The following BUB1 variants were observed in gnomAD, a reference collection of about 807,000 sequenced individuals.
The protein encoded by BUB1 is mitotic checkpoint serine/threonine-protein kinase BUB1.
BUB1 carries 84 observed loss-of-function variants against 135.2 expected under a neutral mutation model. The ratio of observed to expected loss-of-function variants is 0.62; its 90% confidence interval spans 0.52 to 0.74. The LOEUF is 0.74. Among genes scored for constraint, BUB1 ranks in the 30% least tolerant of loss-of-function variants. The pLI is 0.00. For missense variants in BUB1, 1,162 were observed against 1,288.3 expected (o/e 0.90, Z 1.50); for synonymous variants, 403 against 434.4 (o/e 0.93, Z 0.90).
At chr2:110,659,492 T>C (rs1213436031) in intron 11 of BUB1, among the ~76,000 whole-genome samples, 1 of 152,122 alleles carries the variant, frequency 6.6e-6, no homozygotes, top group Non-Finnish European at 1.5e-5. Flanking sequence ...TTAATGAACC[T>C]CCAGCTATTT....
chr2:110,661,877 C>T, intron 9 of BUB1, 36 bp from the exon 10 acceptor site: 1 of 1,604,278 alleles, frequency 6.2e-7, no homozygotes, highest in Non-Finnish European at 8.5e-7. Flanking sequence ...AAAAACAAAA[C>T]CATGAAGTCC....
At chr2:110,670,738 C>A (rs1186347040) in intron 4 of BUB1, among the ~76,000 whole-genome samples, 170 bp from the exon 5 acceptor site, 1 of 152,166 alleles carries the variant, frequency 6.6e-6, no homozygotes, top group African/African-American at 2.4e-5. Context: ...AAATAAAATT[C>A]TGGAAATATT....
chr2:110,662,321 T>C (rs747737809), intron 9 of BUB1, among the ~76,000 whole-genome samples: 2 of 152,104 alleles, frequency 1.3e-5, no homozygotes, highest in Non-Finnish European at 2.9e-5. Flanking sequence ...GAAACACAAA[T>C]ATAAATTGCA....
rs924898414 is a variant in BUB1 at position 110,659,871 on chromosome 2, C to T, written c.1276+107G>A. 6 of 734,856 alleles carry T rather than the reference C, an allele frequency of 8.2e-6. No homozygotes were observed. The African/African-American group carries it at 9.0e-5, about 11-fold the overall frequency. 45.5% of individuals were successfully genotyped at this position (734,856 alleles called of 1,614,324 possible). A position where few individuals can be genotyped will look rare whatever the true frequency, so the allele number is the denominator to read the frequency against. On this transcript the variant is annotated intron_variant, in intron 11 of 24. Coordinates refer to ENST00000302759, the MANE Select transcript of BUB1 (RefSeq NM_004336.5). ...CTCTAAGAATAGGAAATCTAACACT[C>T]AGGTTCATTAAGGCCTGAAGCCTTC...
rs891326590 is a variant in BUB1, at chr2:110,674,067, A to T, written c.225+19T>A. On this transcript the variant is annotated intron_variant, in intron 3 of 24. Transcript: ENST00000302759. ...ACAACATGATTATAGATTTGATTAT[A>T]CATCTTAAGTATACTTACAAATTTT... The T allele has an allele frequency of 1.4e-6, 2 of 1,472,956 alleles. No homozygotes were observed. Among genetic ancestry groups the T allele is most frequent in the Non-Finnish European group, 9.3e-7 (1 of 1,070,856 alleles). The allele number at this position is 1,472,956 out of a possible 1,614,324, so 91.2% of individuals were successfully genotyped here. A position where few individuals can be genotyped will look rare whatever the true frequency, so the allele number is the denominator to read the frequency against.
intron 3 of BUB1, 65 bp from the exon 4 acceptor site, chr2:110,672,922 G>C: frequency 6.9e-7 from 1 of 1,443,808 alleles, no homozygotes; most frequent in Non-Finnish European, 9.2e-7. Flanking sequence ...CTGGTGAGGA[G>C]TTAGCCAGCT....
intron 14 of BUB1, 40 bp from the exon 15 acceptor site, chr2:110,657,157 C>A: frequency 6.5e-7 from 1 of 1,531,650 alleles, no homozygotes; most frequent in Non-Finnish European, 9.0e-7. Flanking sequence ...GTAAAATATG[C>A]TAAGGAAATA....
chr2:110,640,439 A>C (rs1689473089), intron 23 of BUB1, among the ~76,000 whole-genome samples: 1 of 152,180 alleles, frequency 6.6e-6, no homozygotes, highest in Non-Finnish European at 1.5e-5. Context: ...CCCAGGTTCA[A>C]AATATTTCAT....
intron 19 of BUB1, among the ~76,000 whole-genome samples, chr2:110,645,323 A>G (rs1689613693): frequency 2.0e-5 from 3 of 151,866 alleles, no homozygotes; most frequent in African/African-American, 7.3e-5. Flanking sequence ...AGTCCCAGCT[A>G]CTCAGGAGGC....
intron 3 of BUB1, among the ~76,000 whole-genome samples, 197 bp downstream of exon 3, chr2:110,673,889 G>A (rs1690499129): frequency 6.6e-6 from 1 of 152,178 alleles, no homozygotes; most frequent in Non-Finnish European, 1.5e-5. Context: ...GTGAGCCACT[G>A]CGCCCAGCCC....
At position 110,637,907 on chromosome 2, in the gene BUB1, A is replaced by T; in HGVS notation, c.*57T>A. On this transcript the variant is annotated 3_prime_UTR_variant, in exon 25 of 25. Coordinates refer to ENST00000302759, the MANE Select transcript of BUB1 (RefSeq NM_004336.5). ...CAATAAATGAAAAAAAAACAGGTTT[A>T]AAGTGAGCAGATTCATATTTACAGT... 8.2e-7 allele frequency: 1 copy of T among 1,215,832 alleles called. No homozygotes were observed. The highest frequency in any genetic ancestry group is 1.1e-6 in the Non-Finnish European group (1 of 914,318). 75.3% of individuals were successfully genotyped at this position (1,215,832 alleles called of 1,614,324 possible).
chr2:110,658,236 C>A (rs1195208521), intron 13 of BUB1, among the ~76,000 whole-genome samples, 174 bp downstream of exon 13: 6 of 150,886 alleles, frequency 4.0e-5, no homozygotes, highest in African/African-American at 1.5e-4. Flanking sequence ...TCAAGCAAAT[C>A]TATCACACAC....
At chr2:110,640,308 C>T (rs560838568) in intron 23 of BUB1, among the ~76,000 whole-genome samples, 1 of 152,168 alleles carries the variant, frequency 6.6e-6, no homozygotes, top group Admixed American at 6.5e-5. Flanking sequence ...GCCTCACTAG[C>T]AGTGACAACA....
chr2:110,667,567 T>C lies in BUB1; in HGVS notation c.759A>G (p.Glu253=). Residue 253 remains glutamate (E), a synonymous_variant, in exon 8 of 25, where the codon GAA becomes GAG. Transcript: ENST00000302759. ...IRGESEFSFE[E]LRAQKYNQRR... is the part of the protein sequence containing the mutation. The stretch of plus-strand genomic sequence containing the variant: ...GTTGATTGTATTTCTGGGCTCTCAA[T>C]TCTTCAAAGGAAAATTCTGATTCCC... 1 of 1,614,056 alleles carries C rather than the reference T, an allele frequency of 6.2e-7. No individual in the cohort carries two copies. The highest frequency in any genetic ancestry group is 8.5e-7 in the Non-Finnish European group (1 of 1,179,990).
At chr2:110,642,058 G>A (rs1689520974) in intron 20 of BUB1, 61 bp downstream of exon 20, 5 of 1,305,650 alleles carry the variant, frequency 3.8e-6, no homozygotes, top group Non-Finnish European at 5.2e-6. Flanking sequence ...AAAATTTCTT[G>A]GCAAACTCAA....
intron 11 of BUB1, 81 bp from the exon 12 acceptor site, chr2:110,658,823 C>T: frequency 6.5e-7 from 1 of 1,527,776 alleles, no homozygotes; most frequent in Non-Finnish European, 9.0e-7. Flanking sequence ...AAGTAAGTTA[C>T]AATTAAAACA....
At position 110,641,155 on chromosome 2, in the gene BUB1, A is replaced by G; in HGVS notation, c.2834T>C (p.Ile945Thr). The G allele has an allele frequency of 6.2e-7, 1 of 1,612,718 alleles. No homozygotes were observed. Among genetic ancestry groups the G allele is most frequent in the South Asian group, 1.1e-5 (1 of 90,708 alleles). The change falls in exon 23 of 25, where the codon ATT becomes ACT. Residue 945 changes from isoleucine to threonine, a missense_variant. Coordinates refer to ENST00000302759, the MANE Select transcript of BUB1 (RefSeq NM_004336.5). ...EDDLSAGLAL[I>T]DLGQSIDMKL... is the part of the protein sequence containing the mutation. ...CATATCTATACTCTGACCCAGGTCA[A>G]TCAGTGCCAAGCCAGCAGATAAATC...
At chr2:110,664,878 T>A (rs554982213) in intron 9 of BUB1, among the ~76,000 whole-genome samples, 4 of 152,164 alleles carry the variant, frequency 2.6e-5, no homozygotes, top group African/African-American at 9.7e-5. Context: ...AATCTACCTA[T>A]AATTAAAGAA....
At chr2:110,676,418 A>G (rs1183044252) in intron 1 of BUB1, 1 of 152,254 alleles carries the variant, frequency 6.6e-6, no homozygotes, top group Non-Finnish European at 1.5e-5. Flanking sequence ...CATGTGCTCA[A>G]TTCCTGCCAA....
Sources: allele counts gnomAD v4.1 joint callset (sites outside exome capture counted in the v4.1 genomes callset), GRCh38; gene constraint gnomAD v4.1.1; transcripts MANE v1.5; gene names NCBI Gene and HGNC (gene_info 2026-07-23, HGNC 2026-07-21).